Variants in ZNF415 observed in about 807,000 individuals in gnomAD.
ZNF415 encodes the protein zinc finger protein 415.
A neutral mutation model predicts 7.3 loss-of-function variants in ZNF415; 5 were observed. That is an observed-to-expected ratio of 0.69 (90% CI 0.36 to 1.44). The LOEUF (loss-of-function observed/expected upper bound fraction) is 1.44, where lower values mean the gene tolerates loss of function less well. ZNF415 is among the 40% of genes most tolerant of loss of function. ZNF415 has a pLI of 0.04. For missense variants in ZNF415, 628 were observed against 664.8 expected (o/e 0.94, Z 0.61); for synonymous variants, 207 against 226.3 (o/e 0.91, Z 0.77).
chr19:53,131,808 C>G (rs1219775473), intron 1 of ZNF415, among the ~76,000 whole-genome samples: 1 of 151,996 alleles, frequency 6.6e-6, no homozygotes, highest in Non-Finnish European at 1.5e-5. Context: ...TCAGCACTCC[C>G]TGTTAAATTC....
At position 53,109,659 on chromosome 19, in the gene ZNF415, C is replaced by A. The variant is rs2085938124; in HGVS notation, c.386G>T (p.Gly129Val). Residue 129 changes from glycine (G) to valine (V), a missense_variant, in exon 4 of 4, where the codon GGT becomes GTT. Transcript: ENST00000243643. Reference sequence around the variant, plus strand: ...ATGTTTAATAGACTTGTTTCCTATACCTCTTCTATCGCGTTGGTCTCTCCT... The same window carrying A: ...ATGTTTAATAGACTTGTTTCCTATAACTCTTCTATCGCGTTGGTCTCTCCT... ...TCRRDQRDRR[G>V]IGNKSIKHQL... is the part of the protein sequence containing the mutation. 6.2e-7 allele frequency: 1 copy of A among 1,614,102 alleles called. No homozygotes were observed. Among genetic ancestry groups the A allele is most frequent in the East Asian group, 2.2e-5 (1 of 44,868 alleles).
chr19:53,109,531 C>T lies in ZNF415; in HGVS notation c.514G>A (p.Gly172Ser). 1 of 1,613,980 alleles carries T rather than the reference C, an allele frequency of 6.2e-7. No individual in the cohort carries two copies. Among genetic ancestry groups the T allele is most frequent in the Non-Finnish European group, 8.5e-7 (1 of 1,179,960 alleles). Residue 172 changes from glycine (G) to serine (S), a missense_variant, in exon 4 of 4, where the codon GGT becomes AGT. By Grantham distance (56) the Gly-to-Ser change is moderately conservative. Coordinates refer to ENST00000243643, the MANE Select transcript of ZNF415 (RefSeq NM_018355.4). Reference protein sequence around the residue: ...CNHVEKSVNHGSSVSPPQIIS... With the variant: ...CNHVEKSVNHSSSVSPPQIIS... ...ATTTGGGGTGGTGAAACTGAGGAACCATGGTTGACAGACTTCTCAACATGG... is the reference window on the plus strand; with the variant it reads ...ATTTGGGGTGGTGAAACTGAGGAACTATGGTTGACAGACTTCTCAACATGG...
In ZNF415 at chr19:53,131,734, C is replaced by T. The variant is rs553572492; in HGVS notation, c.-68+1122G>A. On this transcript the variant is annotated intron_variant, in intron 1 of 3. Transcript: ENST00000243643. Reference sequence around the variant, plus strand: ...TCCATTCTTGCAATGTATTTAATTCCTCTTTCTTCCTAATCTTTTCATTGT... The same window carrying T: ...TCCATTCTTGCAATGTATTTAATTCTTCTTTCTTCCTAATCTTTTCATTGT... 1.1e-4 allele frequency among the ~76,000 whole-genome samples: 16 copies of T among 152,044 alleles called. No homozygotes were observed. The South Asian group carries it at 3.3e-3, about 32-fold the overall frequency.
chr19:53,108,332 T>C lies in ZNF415; in HGVS notation c.*45A>G. Reference sequence around the variant, plus strand: ...ATGGTTTCTCTCTGATATAAATTCTTTGATGACTCACAGGATTTAAACTTT... The same window carrying C: ...ATGGTTTCTCTCTGATATAAATTCTCTGATGACTCACAGGATTTAAACTTT... On this transcript the variant is annotated 3_prime_UTR_variant, in exon 4 of 4. Transcript: ENST00000243643. The C allele has an allele frequency of 1.3e-6, 2 of 1,521,056 alleles. No homozygotes were observed. The highest frequency in any genetic ancestry group is 8.8e-7 in the Non-Finnish European group (1 of 1,131,890). The allele number at this position is 1,521,056 out of a possible 1,614,324, so 94.2% of individuals were successfully genotyped here.
intron 2 of ZNF415, among the ~76,000 whole-genome samples, chr19:53,120,009 G>A (rs1053422772): frequency 2.9e-5 from 4 of 136,086 alleles, no homozygotes; most frequent in Non-Finnish European, 4.9e-5. Flanking sequence ...AAATTGAAAC[G>A]GAGGGAATTC....
At position 53,108,499 on chromosome 19, in the gene ZNF415, T is replaced by C; in HGVS notation, c.1546A>G (p.Ile516Val). Residue 516 changes from isoleucine (I) to valine (V), a missense_variant, in exon 4 of 4, where the codon ATA (isoleucine) becomes GTA (valine). Coordinates refer to ENST00000243643, the MANE Select transcript of ZNF415 (RefSeq NM_018355.4). Reference protein sequence around the residue: ...SVRPNLTRHQIIHTGKKPYKC... With the variant: ...SVRPNLTRHQVIHTGKKPYKC... ...TAAGGTTTCTTTCCAGTATGGATTA[T>C]CTGATGTCTAGTGAGGTTTGGGCGC... is the stretch of plus-strand genomic sequence containing the variant. 6.2e-7 allele frequency: 1 copy of C among 1,614,136 alleles called. No homozygotes were observed. The highest frequency in any genetic ancestry group is 2.2e-5 in the East Asian group (1 of 44,878).
chr19:53,116,630 G>GTTTTTTTTTTTTTTTT (rs2087100870), intron 2 of ZNF415, among the ~76,000 whole-genome samples, 197 bp from the exon 3 acceptor site: 2 of 100,710 alleles, frequency 2.0e-5, no homozygotes, highest in African/African-American at 8.8e-5. Context: ...TTTTTTTTTG[G>GTTTTTTTTTTTTTTTT]TTTGAGACAA....
chr19:53,131,336 G>T (rs1054354249), intron 1 of ZNF415, among the ~76,000 whole-genome samples: 18 of 152,040 alleles, frequency 1.2e-4, no homozygotes, highest in African/African-American at 4.3e-4. Context: ...ACTTCCCTCT[G>T]CCTTAACAGG....
Position 53,109,566 on chromosome 19 carries a change from T to G in ZNF415, c.479A>C (p.Tyr160Ser), listed in dbSNP as rs747957157. The G allele has an allele frequency of 1.2e-6, 2 of 1,614,140 alleles. No homozygotes were observed. The highest frequency in any genetic ancestry group is 3.3e-5 in the Admixed American group (2 of 60,008). ...LQQFQAEGKI[Y>S]ECNHVEKSVN... ...AGACTTCTCAACATGGTTACATTCA[T>G]AAATTTTCCCTTCAGCTTGAAACTG... Residue 160 changes from tyrosine (Y) to serine (S), a missense_variant, in exon 4 of 4, where the codon TAT becomes TCT. Coordinates refer to ENST00000243643, the MANE Select transcript of ZNF415 (RefSeq NM_018355.4).
At chr19:53,123,605 G>A (rs917943078) in intron 1 of ZNF415, 1 of 398,932 alleles carries the variant, frequency 2.5e-6, no homozygotes, top group Non-Finnish European at 4.4e-6. Flanking sequence ...ATGCTTGGCT[G>A]GAGCAGAGGG....
chr19:53,123,787 A>T (rs2088557403), intron 1 of ZNF415: 1 of 386,310 alleles, frequency 2.6e-6, no homozygotes, highest in African/African-American at 2.1e-5. Context: ...AAATTAACCC[A>T]CTTACAATGT....
At chr19:53,111,505 G>C (rs940507482) in intron 3 of ZNF415, among the ~76,000 whole-genome samples, 10 of 151,870 alleles carry the variant, frequency 6.6e-5, no homozygotes, top group African/African-American at 1.9e-4. Flanking sequence ...ACCATGCCTG[G>C]CTAATTTTTA....
At chr19:53,132,525 G>GCGCT (rs2090222406) in intron 1 of ZNF415, among the ~76,000 whole-genome samples, 2 of 152,076 alleles carry the variant, frequency 1.3e-5, no homozygotes, top group Non-Finnish European at 2.9e-5. Flanking sequence ...CTGCAGCTGC[G>GCGCT]GCGCTGCGCT....
Position 53,108,744 on chromosome 19 carries a change from T to C in ZNF415, c.1301A>G (p.His434Arg), listed in dbSNP as rs752759110. ...ACACTTGTAAGGTTTCTCTCCAGTA[T>C]GAACTCTCCGATGACTCGCAAGGTG... ...NSHLASHRRV[H>R]TGEKPYKCNE... The change falls in exon 4 of 4, where the codon CAT becomes CGT. Residue 434 changes from histidine (H) to arginine (R), a missense_variant. By Grantham distance (29) the His-to-Arg change is conservative. Transcript: ENST00000243643. 6.2e-6 allele frequency: 10 copies of C among 1,614,112 alleles called. No homozygotes were observed. Among genetic ancestry groups the C allele is most frequent in the Middle Eastern group, 1.6e-4 (1 of 6,084 alleles).
intron 2 of ZNF415, among the ~76,000 whole-genome samples, chr19:53,117,731 A>C (rs1304594928): frequency 6.6e-6 from 1 of 152,156 alleles, no homozygotes; most frequent in Non-Finnish European, 1.5e-5. Flanking sequence ...GAAATGCTTA[A>C]GGGATCCCTA....
intron 2 of ZNF415, among the ~76,000 whole-genome samples, chr19:53,121,662 A>G (rs1228389247): frequency 6.6e-6 from 1 of 151,786 alleles, no homozygotes; most frequent in Admixed American, 6.6e-5. Flanking sequence ...ACCTACAATG[A>G]TCCGCTCACC....
At chr19:53,112,553 T>C (rs895578249) in intron 3 of ZNF415, among the ~76,000 whole-genome samples, 22 of 152,068 alleles carry the variant, frequency 1.4e-4, no homozygotes, top group African/African-American at 4.3e-4. Flanking sequence ...AGCGGTTGAG[T>C]AGTGTCTTGT....
chr19:53,127,184 A>C (rs2067116), intron 1 of ZNF415, among the ~76,000 whole-genome samples: 22,839 of 148,474 alleles, frequency 0.15, 1,870 homozygotes, highest in Middle Eastern at 0.24. Flanking sequence ...CGCCCCCACA[A>C]CAAACCCTCC....
intron 1 of ZNF415, among the ~76,000 whole-genome samples, chr19:53,125,573 G>A (rs371927318): frequency 7.9e-5 from 12 of 152,046 alleles, no homozygotes; most frequent in African/African-American, 2.4e-4. Flanking sequence ...GGGCTCAAGT[G>A]AGCGTCCTGT....
Sources: allele counts gnomAD v4.1 joint callset (sites outside exome capture counted in the v4.1 genomes callset), GRCh38; gene constraint gnomAD v4.1.1; transcripts MANE v1.5; gene names NCBI Gene and HGNC (gene_info 2026-07-23, HGNC 2026-07-21).